Variants in POU2F3 observed in about 807,000 individuals in gnomAD.
The protein encoded by POU2F3 is POU domain, class 2, transcription factor 3.
Under a neutral mutation model 59.2 loss-of-function variants are expected in POU2F3, and 23 were observed. The observed-to-expected ratio is 0.39, with a 90% confidence interval of 0.28 to 0.55. POU2F3 has a LOEUF of 0.55. Among genes scored for constraint, POU2F3 ranks in the 20% least tolerant of loss-of-function variants. The pLI, the probability that POU2F3 is intolerant of heterozygous loss-of-function variation, is 0.66. For missense variants in POU2F3, 473 were observed against 544.5 expected (o/e 0.87, Z 1.31); for synonymous variants, 190 against 214.6 (o/e 0.89, Z 1.00).
At position 120,240,238 on chromosome 11, in the gene POU2F3, G is replaced by C. The variant is rs1348385145; in HGVS notation, c.-106G>C. ...CTCCGGCAGCGGCTCCCGCGGCGGC[G>C]GCGGCCGGGAACTGGAGGAAGGAGA... On this transcript the variant is annotated 5_prime_UTR_variant, in exon 1 of 13. Transcript: ENST00000543440. The C allele has an allele frequency of 1.1e-5, 14 of 1,249,364 alleles. No homozygotes were observed. The highest frequency in any genetic ancestry group is 1.4e-5 in the Non-Finnish European group (14 of 990,054). 77.4% of individuals were successfully genotyped at this position (1,249,364 alleles called of 1,614,324 possible).
intron 3 of POU2F3, among the ~76,000 whole-genome samples, chr11:120,297,103 G>A (rs1941212830): frequency 6.6e-6 from 1 of 152,222 alleles, no homozygotes; most frequent in African/African-American, 2.4e-5. Flanking sequence ...GGAACAACCA[G>A]ATGTCCACAT....
At chr11:120,292,486 C>T (rs911096085) in intron 3 of POU2F3, among the ~76,000 whole-genome samples, 1 of 152,214 alleles carries the variant, frequency 6.6e-6, no homozygotes, top group African/African-American at 2.4e-5. Flanking sequence ...TTTCTTCCCG[C>T]CTCCCACACC....
chr11:120,240,395 C>T, intron 1 of POU2F3, 24 bp downstream of exon 1: 1 of 1,404,622 alleles, frequency 7.1e-7, no homozygotes, highest in Admixed American at 2.5e-5. Context: ...GGAATGAGCT[C>T]TGACAGGTGT....
At position 120,299,716 on chromosome 11, in the gene POU2F3, T is replaced by G; in HGVS notation, c.351T>G (p.Pro117=). The change falls in exon 5 of 13, where the codon CCT becomes CCG. Residue 117 remains proline, a synonymous_variant. Coordinates refer to ENST00000543440, the MANE Select transcript of POU2F3 (RefSeq NM_014352.4). The stretch of plus-strand genomic sequence containing the variant: ...AGTTCCTGCTATCTCAGACCCAGCC[T>G]GGGCAGCAAGGTAAGAACCCTGGGG... ...VSQFLLSQTQ[P]GQQGLQPNLL... The G allele has an allele frequency of 6.2e-7, 1 of 1,612,380 alleles. No homozygotes were observed. The highest frequency in any genetic ancestry group is 8.5e-7 in the Non-Finnish European group (1 of 1,179,778).
At chr11:120,246,143 T>C (rs1450356791) in intron 1 of POU2F3, among the ~76,000 whole-genome samples, 1 of 152,046 alleles carries the variant, frequency 6.6e-6, no homozygotes, top group Non-Finnish European at 1.5e-5. Flanking sequence ...CCTTGTTAAA[T>C]TTTTACCAAC....
rs577330199 is a variant in POU2F3, at chr11:120,274,405, G to A, written c.132+5161G>A. On this transcript the variant is annotated intron_variant, in intron 3 of 12. Transcript: ENST00000543440. ...GCTATTATTATTACTATTTCAGTAG[G>A]CATGGAGAGACCCAGCTTTAAGAGA... 3.4e-4 allele frequency among the ~76,000 whole-genome samples: 52 copies of A among 152,270 alleles called. 1 individual carries two copies. The South Asian group carries it at 0.011, about 31-fold the overall frequency.
At chr11:120,298,218 C>G in intron 3 of POU2F3, 47 bp from the exon 4 acceptor site, 2 of 1,570,188 alleles carry the variant, frequency 1.3e-6, no homozygotes, top group South Asian at 2.4e-5. Flanking sequence ...TCTCTGACTG[C>G]CTGACGGGAT....
intron 4 of POU2F3, among the ~76,000 whole-genome samples, chr11:120,299,197 A>T (rs573813959): frequency 6.6e-6 from 1 of 152,354 alleles, no homozygotes; most frequent in African/African-American, 2.4e-5. Flanking sequence ...CCCAGGAAAC[A>T]GCCGAGGCAT....
chr11:120,309,014 G>T (rs1941582787), intron 9 of POU2F3, among the ~76,000 whole-genome samples: 1 of 119,912 alleles, frequency 8.3e-6, no homozygotes. Flanking sequence ...TAATAAGGAA[G>T]AACACAGAAG....
chr11:120,271,032 C>A (rs2135199807), intron 3 of POU2F3, among the ~76,000 whole-genome samples: 1 of 152,268 alleles, frequency 6.6e-6, no homozygotes, highest in Non-Finnish European at 1.5e-5. Flanking sequence ...GCTGCTAATT[C>A]TGGGTACATT....
intron 11 of POU2F3, 52 bp from the exon 12 acceptor site, chr11:120,317,177 C>G (rs1484843421): frequency 1.9e-6 from 3 of 1,604,454 alleles, no homozygotes; most frequent in Non-Finnish European, 1.7e-6. Context: ...CCCGATGTCC[C>G]GGGATCCAGC....
chr11:120,265,377 T>A (rs1939785478), intron 2 of POU2F3: 1 of 57,516 alleles, frequency 1.7e-5, no homozygotes, highest in African/African-American at 9.7e-5. Flanking sequence ...CCGGCAGCGC[T>A]AGGGGCCAGT....
intron 8 of POU2F3, among the ~76,000 whole-genome samples, chr11:120,306,411 G>A (rs1941489578): frequency 6.6e-6 from 1 of 152,090 alleles, no homozygotes; most frequent in African/African-American, 2.4e-5. Context: ...ATACAGGATG[G>A]GGCTTCTCAA....
At chr11:120,242,570 A>T (rs1938710812) in intron 1 of POU2F3, among the ~76,000 whole-genome samples, 1 of 151,994 alleles carries the variant, frequency 6.6e-6, no homozygotes, top group South Asian at 2.1e-4. Flanking sequence ...CTCCTCCTTA[A>T]TTGACTTACT....
chr11:120,318,464 T>A lies in POU2F3; in HGVS notation c.*72T>A. 7.1e-7 allele frequency: 1 copy of A among 1,414,644 alleles called. No individual in the cohort carries two copies. The highest frequency in any genetic ancestry group is 1.2e-5 in the South Asian group (1 of 86,336). 87.6% of individuals were successfully genotyped at this position (1,414,644 alleles called of 1,614,324 possible). The stretch of plus-strand genomic sequence containing the variant: ...AAGGAAGGGAATCATGCCTTCTATA[T>A]ACAGACAGATTGCCTTCAGAAGAGT... On this transcript the variant is annotated 3_prime_UTR_variant, in exon 13 of 13. Coordinates refer to ENST00000543440, the MANE Select transcript of POU2F3 (RefSeq NM_014352.4).
In POU2F3 at chr11:120,318,418, C is replaced by T. The variant is rs1427823011; in HGVS notation, c.*26C>T. 2.6e-6 allele frequency: 4 copies of T among 1,563,460 alleles called. No homozygotes were observed. The highest frequency in any genetic ancestry group is 2.2e-5 in the South Asian group (2 of 90,028). On this transcript the variant is annotated 3_prime_UTR_variant, in exon 13 of 13. Transcript: ENST00000543440. ...GACCAAAAAGTTTCTCCTACTCCAG[C>T]TGGCCCTGTATTCCCCCTGGAAGGA...
At position 120,257,273 on chromosome 11, in the gene POU2F3, G is replaced by A. The variant is rs1387131241; in HGVS notation, c.97+10756G>A. Among the ~76,000 whole-genome samples the A allele has an allele frequency of 4.6e-5, 7 of 152,274 alleles. No individual in the cohort carries two copies. In the East Asian group the frequency reaches 5.8e-4, roughly 13 times the overall value. ...GTCACAGCGGGAGTTCAAGACCCAC[G>A]TTTCCTTAGGACCCTTTCCCTGCCC... is the stretch of plus-strand genomic sequence containing the variant. On this transcript the variant is annotated intron_variant, in intron 2 of 12. Transcript: ENST00000543440.
rs142344340 is a variant in POU2F3 at position 120,306,026 on chromosome 11, C to G, written c.769+241C>G. 2.6e-3 allele frequency among the ~76,000 whole-genome samples: 403 copies of G among 152,302 alleles called. 1 individual carries two copies. The highest frequency in any genetic ancestry group is 9.1e-3 in the African/African-American group (379 of 41,552). On this transcript the variant is annotated intron_variant, in intron 8 of 12. Coordinates refer to ENST00000543440, the MANE Select transcript of POU2F3 (RefSeq NM_014352.4). ...GGTCTGTGTCCATCAGGATTTGTCC[C>G]CATTCCATTCCTACCCCATCCCACC...
chr11:120,245,786 G>A (rs990291076), intron 1 of POU2F3, among the ~76,000 whole-genome samples: 10 of 152,188 alleles, frequency 6.6e-5, no homozygotes, highest in South Asian at 4.1e-4. Flanking sequence ...GCACTGACCC[G>A]CTGCCATCCC....
Sources: allele counts gnomAD v4.1 joint callset (sites outside exome capture counted in the v4.1 genomes callset), GRCh38; gene constraint gnomAD v4.1.1; transcripts MANE v1.5; gene names NCBI Gene and HGNC (gene_info 2026-07-23, HGNC 2026-07-21).